Variants in FHOD3 observed in about 807,000 individuals in gnomAD.
The protein encoded by FHOD3 is formin homology 2 domain containing 3.
In FHOD3, 90 loss-of-function variants were observed where a neutral mutation model predicts 173.0. The observed-to-expected ratio is 0.52, with a 90% CI of 0.44 to 0.62. The LOEUF (loss-of-function observed/expected upper bound fraction) is 0.62, where lower values mean the gene tolerates loss of function less well. Among genes scored for constraint, FHOD3 ranks in the 20% least tolerant of loss-of-function variants. The probability of loss-of-function intolerance (pLI) is 0.00; values close to 1 mark genes in which losing one functional copy is unlikely to be tolerated. For missense variants in FHOD3, 1,945 were observed against 2,034.7 expected (o/e 0.96, Z 0.85); for synonymous variants, 828 against 823.0 (o/e 1.01, Z -0.10).
intron 10 of FHOD3, among the ~76,000 whole-genome samples, chr18:36,641,710 C>T (rs769254879): frequency 6.6e-6 from 1 of 152,146 alleles, no homozygotes; most frequent in African/African-American, 2.4e-5. Context: ...AATGCCAGCA[C>T]TTTGGGAGGC....
intron 5 of FHOD3, among the ~76,000 whole-genome samples, chr18:36,573,814 T>C (rs929663482): frequency 2.6e-5 from 4 of 152,240 alleles, no homozygotes; most frequent in African/African-American, 7.2e-5. Flanking sequence ...TTTTGGTATA[T>C]TAAATAATGC....
chr18:36,709,338 G>A lies in FHOD3; in HGVS notation c.2480G>A (p.Ser827Asn). Reference protein sequence around the residue: ...CSASSVSSSSSTLEREEKEDK... With the variant: ...CSASSVSSSSNTLEREEKEDK... ...GCCTCCAGCGTCTCGTCCTCCAGCA[G>A]CACGTTGGAGAGGGAGGAGAAGGAG... is the stretch of plus-strand genomic sequence containing the variant. The change falls in exon 18 of 29, where the codon AGC (serine) becomes AAC (asparagine). Residue 827 changes from serine (S) to asparagine (N), a missense_variant. Physicochemically the swap from Ser to Asn is conservative, Grantham distance 46. Transcript: ENST00000590592. 1 of 1,614,244 alleles carries A rather than the reference G, an allele frequency of 6.2e-7. No homozygotes were observed. The highest frequency in any genetic ancestry group is 8.5e-7 in the Non-Finnish European group (1 of 1,180,038).
intron 1 of FHOD3, among the ~76,000 whole-genome samples, chr18:36,342,816 AAC>A (rs1445590266): frequency 6.6e-6 from 1 of 152,248 alleles, no homozygotes; most frequent in Non-Finnish European, 1.5e-5. Flanking sequence ...AAGCTCTTAC[AAC>A]TGAACAACAA....
At chr18:36,739,029 C>CA (rs2041778258) in intron 20 of FHOD3, among the ~76,000 whole-genome samples, 1 of 151,980 alleles carries the variant, frequency 6.6e-6, no homozygotes, top group Non-Finnish European at 1.5e-5. Flanking sequence ...TGGGATAAAG[C>CA]AAAAAAACTG....
chr18:36,604,731 AAC>A (rs1461254434), intron 8 of FHOD3, among the ~76,000 whole-genome samples: 1 of 152,238 alleles, frequency 6.6e-6, no homozygotes, highest in Non-Finnish European at 1.5e-5. Flanking sequence ...AAACCAGTGA[AAC>A]AGGTTCCAGA....
At chr18:36,607,103 G>A (rs1035113103) in intron 8 of FHOD3, among the ~76,000 whole-genome samples, 8 of 152,190 alleles carry the variant, frequency 5.3e-5, no homozygotes, top group African/African-American at 1.2e-4. Flanking sequence ...CCTCACTCCC[G>A]TGGCTCCACT....
At chr18:36,327,619 A>C (rs1019002520) in intron 1 of FHOD3, among the ~76,000 whole-genome samples, 2 of 151,996 alleles carry the variant, frequency 1.3e-5, no homozygotes, top group Non-Finnish European at 2.9e-5. Context: ...ACTGAACCCA[A>C]GTCTTTCCTC....
intron 5 of FHOD3, among the ~76,000 whole-genome samples, chr18:36,552,105 A>C (rs369875679): frequency 6.6e-6 from 1 of 152,128 alleles, no homozygotes; most frequent in Admixed American, 6.6e-5. Flanking sequence ...CCATTTTCAC[A>C]ATATTGATTC....
intron 1 of FHOD3, among the ~76,000 whole-genome samples, chr18:36,346,307 G>C (rs984676949): frequency 2.0e-5 from 3 of 152,084 alleles, no homozygotes; most frequent in Non-Finnish European, 4.4e-5. Flanking sequence ...TCAAGGATGT[G>C]GTGAGTCTTG....
chr18:36,370,041 A>C (rs1009451260), intron 2 of FHOD3, among the ~76,000 whole-genome samples: 1 of 152,176 alleles, frequency 6.6e-6, no homozygotes, highest in Non-Finnish European at 1.5e-5. Context: ...GGTGGGTGGA[A>C]GCAGGGGTAG....
intron 1 of FHOD3, among the ~76,000 whole-genome samples, chr18:36,306,177 T>A (rs2092091361): frequency 6.6e-6 from 1 of 152,222 alleles, no homozygotes; most frequent in South Asian, 2.1e-4. Context: ...GCATGGGCGC[T>A]GGAGCCCCTG....
chr18:36,760,836 G>A, intron 27 of FHOD3, 54 bp downstream of exon 27: 2 of 1,522,186 alleles, frequency 1.3e-6, no homozygotes. Context: ...GCCGCTCTGG[G>A]GGGGTCCGGT....
chr18:36,684,474 C>G (rs916704703), intron 15 of FHOD3, among the ~76,000 whole-genome samples: 7 of 150,488 alleles, frequency 4.7e-5, no homozygotes, highest in Admixed American at 1.3e-4. Context: ...ACTCTTGAAA[C>G]AAATGAAAAG....
At chr18:36,372,254 C>T (rs1485655205) in intron 2 of FHOD3, among the ~76,000 whole-genome samples, 2 of 152,138 alleles carry the variant, frequency 1.3e-5, no homozygotes, top group African/African-American at 4.8e-5. Context: ...TTCTGATTAC[C>T]CCATGATGTG....
chr18:36,563,119 G>A (rs928383217), intron 5 of FHOD3, among the ~76,000 whole-genome samples: 12 of 152,158 alleles, frequency 7.9e-5, no homozygotes, highest in Non-Finnish European at 1.8e-4. Context: ...AGTAAATTGA[G>A]GGTTTTTAAA....
At chr18:36,636,247 A>G (rs764350909) in intron 10 of FHOD3, among the ~76,000 whole-genome samples, 25 of 152,204 alleles carry the variant, frequency 1.6e-4, no homozygotes, top group Non-Finnish European at 8.8e-5. Context: ...CTAGAGAATA[A>G]GCATTTCTCT....
At chr18:36,580,048 T>C (rs1442003401) in intron 6 of FHOD3, among the ~76,000 whole-genome samples, 1 of 151,956 alleles carries the variant, frequency 6.6e-6, no homozygotes, top group Non-Finnish European at 1.5e-5. Context: ...GTAAGGAAAA[T>C]AAACAATCAG....
At chr18:36,379,542 T>C (rs1441870691) in intron 3 of FHOD3, among the ~76,000 whole-genome samples, 1 of 152,194 alleles carries the variant, frequency 6.6e-6, no homozygotes, top group Admixed American at 6.5e-5. Context: ...ACAAGGAACA[T>C]GAAAATCTGG....
chr18:36,430,182 C>A (rs796266104), intron 3 of FHOD3, among the ~76,000 whole-genome samples: 13 of 152,300 alleles, frequency 8.5e-5, no homozygotes, highest in African/African-American at 3.1e-4. Context: ...TGTGCATGAT[C>A]TCCATTTGCC....
Sources: gnomAD v4.1 joint callset for allele counts (sites outside exome capture counted in the v4.1 genomes callset) on GRCh38, gnomAD v4.1.1 for gene constraint, MANE v1.5 for transcripts, NCBI Gene and HGNC (gene_info 2026-07-23, HGNC 2026-07-21) for gene names.